Variants in CDKL5 observed in about 807,000 individuals in gnomAD.
The protein encoded by CDKL5 is cyclin dependent kinase like 5.
A neutral mutation model predicts 61.7 loss-of-function variants in CDKL5; 8 were observed. The observed-to-expected ratio is 0.13, with a 90% CI of 0.08 to 0.23. The LOEUF (loss-of-function observed/expected upper bound fraction) is 0.23, where lower values mean the gene tolerates loss of function less well. Ranked by LOEUF, CDKL5 falls within the 10% of genes least tolerant of loss-of-function variation. The pLI is 1.00. For synonymous variants in CDKL5, 275 were observed against 272.3 expected (o/e 1.01, Z -0.10); for missense variants, 440 against 734.5 (o/e 0.60, Z 4.63).
At chrX:18,537,066 A>G (rs1923867396) in intron 3 of CDKL5, among the ~76,000 whole-genome samples, 1 of 108,930 alleles carries the variant, frequency 9.2e-6, no homozygotes, top group Non-Finnish European at 1.9e-5. Context: ...AGGGAAGGAG[A>G]AGACACAGAC....
At chrX:18,647,862 T>C (rs914689936) in intron 20 of CDKL5, among the ~76,000 whole-genome samples, 7 of 107,187 alleles carry the variant, frequency 6.5e-5, no homozygotes, top group African/African-American at 2.5e-4. Flanking sequence ...GACTTCCTAC[T>C]TGTAAATTGC....
chrX:18,458,309 TTACTA>T (rs1273381857), intron 1 of CDKL5, among the ~76,000 whole-genome samples: 2 of 111,411 alleles, frequency 1.8e-5, no homozygotes, highest in Admixed American at 9.6e-5. Context: ...TAATTTCTAA[TTACTA>T]TACTGTATAC....
intron 1 of CDKL5, among the ~76,000 whole-genome samples, chrX:18,505,276 C>T (rs1922538384): frequency 9.0e-6 from 1 of 111,147 alleles, no homozygotes; most frequent in Admixed American, 9.6e-5. Context: ...ACATGATGCC[C>T]CTTTAAAAAC....
rs1921477292 is a variant in CDKL5, at chrX:18,479,678, A to T, written c.-162-27257A>T. Among the ~76,000 whole-genome samples the T allele has an allele frequency of 4.5e-5, 5 of 111,146 alleles. No individual in the cohort carries two copies. The Admixed American group carries it at 4.8e-4, about 11-fold the overall frequency. ...TCTTCTCCTCTGGTATTCCCATTAC[A>T]TGTATGTTGTTGTGTATTAGTCCAG... On this transcript the variant is annotated intron_variant, in intron 1 of 17. Transcript: ENST00000623535.
intron 1 of CDKL5, among the ~76,000 whole-genome samples, chrX:18,481,447 G>A (rs1341643766): frequency 9.4e-6 from 1 of 106,593 alleles, no homozygotes; most frequent in African/African-American, 3.4e-5. Context: ...TGACCTCCTA[G>A]GCTCAGGTGA....
chrX:18,481,320 G>GTTTCTTTCTTTCTTTCTTTC lies in CDKL5; in HGVS notation c.-162-25583_-162-25564dup, dbSNP rs201816691. On this transcript the variant is annotated intron_variant, in intron 1 of 17. Coordinates refer to ENST00000623535, the MANE Select transcript of CDKL5 (RefSeq NM_001323289.2). ...TCAGCCATTTCACCAAAGAGTCCTG[G>GTTTCTTTCTTTCTTTCTTTC]TTTCTTTCTTTCTTTCTTTCTTTCT... 4.8e-3 allele frequency among the ~76,000 whole-genome samples: 404 copies of GTTTCTTTCTTTCTTTCTTTC among 84,685 alleles called. 13 individuals carry two copies. Among genetic ancestry groups the GTTTCTTTCTTTCTTTCTTTC allele is most frequent in the East Asian group, 0.018 (46 of 2,509 alleles). 73.5% of individuals were successfully genotyped at this position (84,685 alleles called of 115,157 possible).
At chrX:18,648,003 G>T (rs1236085084) in intron 20 of CDKL5, among the ~76,000 whole-genome samples, 1 of 111,394 alleles carries the variant, frequency 9.0e-6, no homozygotes, top group Middle Eastern at 4.7e-3. Flanking sequence ...TGTGTTGATT[G>T]TCTCCCCCTT....
At chrX:18,546,348 G>A (rs28473014) in intron 3 of CDKL5, among the ~76,000 whole-genome samples, 5 of 96,959 alleles carry the variant, frequency 5.2e-5, no homozygotes, top group Non-Finnish European at 1.0e-4. Flanking sequence ...TGCAATCTCC[G>A]CCTCCCAGGT....
chrX:18,584,849 CCT>C (rs1307621296), intron 8 of CDKL5, among the ~76,000 whole-genome samples: 3 of 111,853 alleles, frequency 2.7e-5, no homozygotes, highest in African/African-American at 9.8e-5. Flanking sequence ...ATGACCAACC[CCT>C]GATTCATGGT....
At chrX:18,562,931 G>T (rs1924852088) in intron 3 of CDKL5, among the ~76,000 whole-genome samples, 1 of 112,174 alleles carries the variant, frequency 8.9e-6, no homozygotes, top group Admixed American at 9.5e-5. Flanking sequence ...ATTTATTCAA[G>T]GTGGTATAAA....
At chrX:18,554,826 A>G (rs1924542560) in intron 3 of CDKL5, among the ~76,000 whole-genome samples, 1 of 111,833 alleles carries the variant, frequency 8.9e-6, no homozygotes, top group African/African-American at 3.2e-5. Context: ...AATTTTAATA[A>G]TTTTTGGAGA....
At chrX:18,464,288 C>T (rs1298903937) in intron 1 of CDKL5, among the ~76,000 whole-genome samples, 1 of 109,850 alleles carries the variant, frequency 9.1e-6, no homozygotes, top group Non-Finnish European at 1.9e-5. Context: ...CACTAAGTTG[C>T]CCAGGATGGT....
intron 14 of CDKL5, among the ~76,000 whole-genome samples, chrX:18,610,960 T>C (rs1926531229): frequency 8.9e-6 from 1 of 112,177 alleles, no homozygotes; most frequent in Non-Finnish European, 1.9e-5. Flanking sequence ...GGAGAACTGC[T>C]TAGTCATTTT....
At chrX:18,576,483 A>C (rs1925299847) in intron 5 of CDKL5, among the ~76,000 whole-genome samples, 1 of 111,561 alleles carries the variant, frequency 9.0e-6, no homozygotes, top group South Asian at 3.7e-4. Flanking sequence ...TGTTTGCTGC[A>C]GGTCTATACC....
intron 1 of CDKL5, among the ~76,000 whole-genome samples, chrX:18,452,402 C>T (rs1456382395): frequency 9.0e-6 from 1 of 111,327 alleles, no homozygotes; most frequent in African/African-American, 3.3e-5. Context: ...ATCGCTTTCA[C>T]TCTCCACATG....
intron 8 of CDKL5, among the ~76,000 whole-genome samples, chrX:18,585,069 T>C (rs1223917944): frequency 8.9e-6 from 1 of 112,265 alleles, no homozygotes; most frequent in African/African-American, 3.2e-5. Flanking sequence ...GTATCTCTTA[T>C]GTCCAACCAC....
intron 3 of CDKL5, among the ~76,000 whole-genome samples, chrX:18,512,896 G>A (rs1461779592): frequency 2.7e-5 from 3 of 110,758 alleles, no homozygotes; most frequent in East Asian, 5.6e-4. Context: ...ACTTTTTCCC[G>A]AACATAAAAC....
intron 12 of CDKL5, among the ~76,000 whole-genome samples, chrX:18,607,442 C>T (rs1416881873): frequency 8.9e-6 from 1 of 111,950 alleles, no homozygotes; most frequent in Non-Finnish European, 1.9e-5. Flanking sequence ...GAGAAGAAAT[C>T]GGAAAAACAA....
In CDKL5 at chrX:18,595,608, G is replaced by A. The variant is rs369394603; in HGVS notation, c.825+180G>A. Reference sequence around the variant, plus strand: ...TTATTTAAAATTACAATGGGATCTGGTATTGTCACAGTCCATCTAGACAGA... The same window carrying A: ...TTATTTAAAATTACAATGGGATCTGATATTGTCACAGTCCATCTAGACAGA... On this transcript the variant is annotated intron_variant, in intron 10 of 17. Transcript: ENST00000623535. Among the ~76,000 whole-genome samples, 303 of 111,941 alleles carry A rather than the reference G, an allele frequency of 2.7e-3. 1 individual carries two copies. The highest frequency in any genetic ancestry group is 9.3e-3 in the African/African-American group (288 of 30,819).
Sources: gnomAD v4.1 joint callset for allele counts (sites outside exome capture counted in the v4.1 genomes callset) on GRCh38, gnomAD v4.1.1 for gene constraint, MANE v1.5 for transcripts, NCBI Gene and HGNC (gene_info 2026-07-23, HGNC 2026-07-21) for gene names.